ITPR2: variants seen among roughly 807,000 people sequenced by gnomAD.
ITPR2 encodes inositol 1,4,5-trisphosphate receptor type 2, also known as inositol 1,4,5-trisphosphate-gated calcium channel ITPR2.
Under a neutral mutation model 317.1 loss-of-function variants are expected in ITPR2, and 207 were observed. The observed-to-expected ratio is 0.65, with a 90% CI of 0.58 to 0.73. The LOEUF (loss-of-function observed/expected upper bound fraction) is 0.73, where lower values mean the gene tolerates loss of function less well. ITPR2 is among the 30% of genes least tolerant of loss of function. ITPR2 has a pLI of 0.00. For missense variants in ITPR2, 2,613 were observed against 3,284.0 expected (o/e 0.80, Z 4.99); for synonymous variants, 1,156 against 1,149.1 (o/e 1.01, Z -0.12).
At chr12:26,684,866 T>C (rs1477632978) in intron 11 of ITPR2, among the ~76,000 whole-genome samples, 1 of 151,904 alleles carries the variant, frequency 6.6e-6, no homozygotes, top group African/African-American at 2.4e-5. Context: ...GTCCCAGTCC[T>C]GGGAGGAGAA....
chr12:26,418,599 G>GT (rs1199316907), intron 50 of ITPR2, among the ~76,000 whole-genome samples: 8 of 151,950 alleles, frequency 5.3e-5, no homozygotes, highest in Non-Finnish European at 1.5e-5. Flanking sequence ...TGCTATGATG[G>GT]TTTTTTTAAA....
intron 2 of ITPR2, among the ~76,000 whole-genome samples, chr12:26,738,343 G>A (rs528305903): frequency 7.9e-4 from 120 of 152,118 alleles, no homozygotes; most frequent in Non-Finnish European, 1.4e-3. Context: ...ATTGGGATGT[G>A]GGAGGAAAGG....
intron 37 of ITPR2, among the ~76,000 whole-genome samples, chr12:26,520,564 C>T (rs1943636096): frequency 6.6e-6 from 1 of 152,174 alleles, no homozygotes. Context: ...GAGTTCCAGC[C>T]ACATGGGACC....
At chr12:26,477,218 T>A (rs1942438689) in intron 43 of ITPR2, among the ~76,000 whole-genome samples, 1 of 152,166 alleles carries the variant, frequency 6.6e-6, no homozygotes, top group South Asian at 2.1e-4. Flanking sequence ...GAGAGCTATG[T>A]TACAAGAGAT....
chr12:26,339,503 G>A lies in ITPR2; in HGVS notation c.8020-20C>T. 1 of 1,605,602 alleles carries A rather than the reference G, an allele frequency of 6.2e-7. No individual in the cohort carries two copies. The highest frequency in any genetic ancestry group is 1.3e-5 in the African/African-American group (1 of 74,818). On this transcript the variant is annotated intron_variant, in intron 56 of 56. Coordinates refer to ENST00000381340, the MANE Select transcript of ITPR2 (RefSeq NM_002223.4). ...TGTCATCTGGGGGAAAAGAGAGAGT[G>A]TGTGTTCAGCGGATTTTCTCACTCT...
At chr12:26,499,821 G>A (rs11048552) in intron 37 of ITPR2, among the ~76,000 whole-genome samples, 80,257 of 151,986 alleles carry the variant, frequency 0.53, 22,017 homozygotes, top group South Asian at 0.65. Flanking sequence ...TCAGTCCTTA[G>A]AATTATATAC....
intron 45 of ITPR2, among the ~76,000 whole-genome samples, chr12:26,444,983 T>C (rs1941574511): frequency 6.6e-6 from 1 of 152,186 alleles, no homozygotes. Flanking sequence ...ACCACAGTCA[T>C]GAAACTTGTT....
At chr12:26,498,086 T>A (rs1205291707) in intron 37 of ITPR2, among the ~76,000 whole-genome samples, 1 of 152,222 alleles carries the variant, frequency 6.6e-6, no homozygotes, top group Non-Finnish European at 1.5e-5. Flanking sequence ...TTGTTTATCC[T>A]TGTAACAACT....
At chr12:26,469,833 A>T (rs1942256593) in intron 45 of ITPR2, among the ~76,000 whole-genome samples, 3 of 152,190 alleles carry the variant, frequency 2.0e-5, no homozygotes, top group South Asian at 4.1e-4. Flanking sequence ...CTTGCTGCTG[A>T]GTTTTCTTTG....
At chr12:26,557,631 C>G (rs1334101317) in intron 35 of ITPR2, among the ~76,000 whole-genome samples, 1 of 152,120 alleles carries the variant, frequency 6.6e-6, no homozygotes, top group Admixed American at 6.5e-5. Flanking sequence ...GTTTTAGGGG[C>G]CCAGGCCTAC....
chr12:26,797,651 G>A (rs1023049570), intron 1 of ITPR2, among the ~76,000 whole-genome samples: 3 of 149,132 alleles, frequency 2.0e-5, no homozygotes, highest in Non-Finnish European at 4.4e-5. Flanking sequence ...GGTTAAGATG[G>A]TGGATAGATT....
chr12:26,429,045 C>T (rs992206384), intron 48 of ITPR2, among the ~76,000 whole-genome samples: 1 of 152,126 alleles, frequency 6.6e-6, no homozygotes, highest in Non-Finnish European at 1.5e-5. Context: ...AATTTGCTAC[C>T]GCATGCAAAA....
At chr12:26,694,575 T>C (rs528294285) in intron 10 of ITPR2, among the ~76,000 whole-genome samples, 63 of 152,306 alleles carry the variant, frequency 4.1e-4, no homozygotes, top group African/African-American at 1.5e-3. Flanking sequence ...ACTACCCATG[T>C]GTTCCTGATG....
intron 52 of ITPR2, among the ~76,000 whole-genome samples, chr12:26,403,088 C>A (rs1391132245): frequency 1.3e-5 from 2 of 152,116 alleles, no homozygotes; most frequent in Non-Finnish European, 2.9e-5. Flanking sequence ...GGGGGTATCA[C>A]CTGAGTTGGA....
At chr12:26,582,012 A>G (rs1358918389) in intron 32 of ITPR2, among the ~76,000 whole-genome samples, 1 of 152,190 alleles carries the variant, frequency 6.6e-6, no homozygotes, top group Non-Finnish European at 1.5e-5. Context: ...TAATGAAAAT[A>G]ATCTATTTCT....
intron 34 of ITPR2, among the ~76,000 whole-genome samples, chr12:26,570,153 G>A (rs559721246): frequency 5.9e-5 from 9 of 152,242 alleles, no homozygotes; most frequent in Admixed American, 2.6e-4. Context: ...ACAGGTAGGG[G>A]ACTTACTTTT....
intron 1 of ITPR2, among the ~76,000 whole-genome samples, chr12:26,798,504 A>C (rs1487238510): frequency 1.3e-5 from 2 of 152,252 alleles, no homozygotes; most frequent in Non-Finnish European, 2.9e-5. Context: ...GCTAAATACC[A>C]GCACTAAGTG....
intron 32 of ITPR2, among the ~76,000 whole-genome samples, chr12:26,592,242 T>C (rs184031965): frequency 6.6e-5 from 10 of 152,306 alleles, no homozygotes; most frequent in Admixed American, 6.5e-4. Flanking sequence ...AAAGGATGGT[T>C]ACTAGAGGCT....
rs543033095 is a variant in ITPR2, at chr12:26,500,739, T to G, written c.5074-5479A>C. Among the ~76,000 whole-genome samples the G allele has an allele frequency of 1.1e-4, 16 of 152,286 alleles. 1 individual carries two copies. Among genetic ancestry groups the G allele is most frequent in the Middle Eastern group, 3.4e-3 (1 of 294 alleles). On this transcript the variant is annotated intron_variant, in intron 37 of 56. Transcript: ENST00000381340. ...TCCCTGTTACACCGAGTCCAATGCA[T>G]CAAAAATTAAAAAGTTCAGAAATCA...
Sources: gnomAD v4.1 joint callset for allele counts (sites outside exome capture counted in the v4.1 genomes callset) on GRCh38, gnomAD v4.1.1 for gene constraint, MANE v1.5 for transcripts, NCBI Gene and HGNC (gene_info 2026-07-23, HGNC 2026-07-21) for gene names.